GATM: variants seen among roughly 807,000 people sequenced by gnomAD.
GATM encodes glycine amidinotransferase, also known as glycine amidinotransferase, mitochondrial.
GATM carries 23 observed loss-of-function variants against 54.2 expected under a neutral mutation model. That is an observed-to-expected ratio of 0.42 (90% CI 0.31 to 0.60). The LOEUF is 0.60. GATM is among the 20% of genes least tolerant of loss of function. The pLI is 0.14. For synonymous variants in GATM, 168 were observed against 183.1 expected, an observed-to-expected ratio of 0.92 and a Z score of 0.67; for missense variants, 401 against 544.9, an observed-to-expected ratio of 0.74 and a Z score of 2.63.
At chr15:45,370,381 A>C (rs1294767775) in intron 2 of GATM, among the ~76,000 whole-genome samples, 1 of 146,454 alleles carries the variant, frequency 6.8e-6, no homozygotes, top group Non-Finnish European at 1.5e-5. Flanking sequence ...GTCTCAAAAA[A>C]AAAAAAAGAA....
chr15:45,374,778 A>C (rs1237581344), intron 2 of GATM, among the ~76,000 whole-genome samples: 2 of 152,216 alleles, frequency 1.3e-5, no homozygotes, highest in Non-Finnish European at 2.9e-5. Flanking sequence ...TTTTATATTA[A>C]TACCTCTAGA....
intron 8 of GATM, chr15:45,363,507 C>T: frequency 3.8e-6 from 1 of 261,144 alleles, no homozygotes. Flanking sequence ...TGCATCCGTA[C>T]CCTTTTGAGT....
intron 7 of GATM, chr15:45,364,534 CAAA>C (rs201283726): frequency 1.5e-3 from 488 of 324,668 alleles, no homozygotes; most frequent in Middle Eastern, 3.7e-3. Context: ...GACACTGTCT[CAAA>C]AAAAAAAAAA....
intron 7 of GATM, chr15:45,364,281 G>A: frequency 4.5e-6 from 2 of 446,638 alleles, no homozygotes; most frequent in Non-Finnish European, 4.1e-6. Flanking sequence ...GGGAGGCTGA[G>A]GCAGGAGGAT....
At chr15:45,395,904 C>T (rs941238876) in intron 3 of GATM, among the ~76,000 whole-genome samples, 18 of 152,134 alleles carry the variant, frequency 1.2e-4, no homozygotes, top group Non-Finnish European at 2.5e-4. Flanking sequence ...TTTACCAATC[C>T]AGCCTTGCTG....
At chr15:45,397,283 C>T (rs531268005) in intron 2 of GATM, 6 of 151,994 alleles carry the variant, frequency 3.9e-5, no homozygotes, top group Non-Finnish European at 8.8e-5. Context: ...TTTTGTTCTA[C>T]CAAGGCAATT....
At chr15:45,382,710 T>C (rs1027036832), upstream of GATM, among the ~76,000 whole-genome samples, 2 of 152,134 alleles carry the variant, frequency 1.3e-5, no homozygotes, top group Non-Finnish European at 2.9e-5. Context: ...GGAGAATTGC[T>C]TGAACCCAGG....
At chr15:45,367,575 T>A (rs1220651915) in intron 4 of GATM, among the ~76,000 whole-genome samples, 1 of 152,242 alleles carries the variant, frequency 6.6e-6, no homozygotes, top group African/African-American at 2.4e-5. Flanking sequence ...ATTTTGATTT[T>A]TAAATTTTTT....
Position 45,368,351 on chromosome 15 carries a change from C to T in GATM, c.485-91G>A. ...ATAGGGCCAGGCACAGTGGCTCATG[C>T]CTGTAATCCCACCACTTTGGGAGGC... On this transcript the variant is annotated intron_variant, in intron 3 of 8. Transcript: ENST00000396659. The surrounding 1 kb of genome is among the most constrained non-coding windows in gnomAD (Gnocchi z 5.1). 9.1e-7 allele frequency: 1 copy of T among 1,094,874 alleles called. No individual in the cohort carries two copies. Among genetic ancestry groups the T allele is most frequent in the Non-Finnish European group, 1.4e-6 (1 of 731,648 alleles). 67.8% of individuals were successfully genotyped at this position (1,094,874 alleles called of 1,614,324 possible).
chr15:45,366,231 T>A, intron 5 of GATM, 21 bp from the exon 6 acceptor site: 1 of 1,613,754 alleles, frequency 6.2e-7, no homozygotes, highest in Non-Finnish European at 8.5e-7. Flanking sequence ...AAGAAAGACA[T>A]ACGATCGATA....
intron 3 of GATM, among the ~76,000 whole-genome samples, chr15:45,386,942 T>G (rs1352838826): frequency 6.6e-6 from 1 of 152,160 alleles, no homozygotes; most frequent in East Asian, 1.9e-4. Context: ...CAAAGTAGGG[T>G]CCAATATTGA....
chr15:45,379,026 G>A (rs1413677689), upstream of GATM: 1 of 152,098 alleles, frequency 6.6e-6, no homozygotes, highest in Non-Finnish European at 1.5e-5. Flanking sequence ...AACTAAGTCT[G>A]GAAATTGGGC....
At chr15:45,376,181 G>A (rs1889629036) in intron 2 of GATM, among the ~76,000 whole-genome samples, 1 of 152,176 alleles carries the variant, frequency 6.6e-6, no homozygotes, top group Non-Finnish European at 1.5e-5. Context: ...AAGTCCTGTG[G>A]CAATATCCCG....
At position 45,378,478 on chromosome 15, in the gene GATM, G is replaced by T; in HGVS notation, c.-25C>A. ...TCGCCCTGGCCCGGCTGGTCCACGCGCGGAATGTTCCTGGCCTCTGGGCCG... is the reference window on the plus strand; with the variant it reads ...TCGCCCTGGCCCGGCTGGTCCACGCTCGGAATGTTCCTGGCCTCTGGGCCG... On this transcript the variant is annotated 5_prime_UTR_variant, in exon 1 of 9. Coordinates refer to ENST00000396659, the MANE Select transcript of GATM (RefSeq NM_001482.3). 1 of 1,421,134 alleles carries T rather than the reference G, an allele frequency of 7.0e-7. No individual in the cohort carries two copies. The highest frequency in any genetic ancestry group is 9.1e-7 in the Non-Finnish European group (1 of 1,093,146). 88.0% of individuals were successfully genotyped at this position (1,421,134 alleles called of 1,614,324 possible). A position where few individuals can be genotyped will look rare whatever the true frequency, so the allele number is the denominator to read the frequency against.
chr15:45,385,985 T>G (rs1889799580), intron 3 of GATM, among the ~76,000 whole-genome samples: 1 of 152,268 alleles, frequency 6.6e-6, no homozygotes, highest in Non-Finnish European at 1.5e-5. Flanking sequence ...CTTTGACTAC[T>G]TCTTCACACT....
At chr15:45,401,546 A>G (rs1465553012) in intron 1 of GATM, among the ~76,000 whole-genome samples, 2 of 142,726 alleles carry the variant, frequency 1.4e-5, no homozygotes, top group Admixed American at 1.4e-4. Context: ...TCCCTGTGCG[A>G]AAGGGAAAGG....
At position 45,378,502 on chromosome 15, in the gene GATM, C is replaced by T. The variant is rs1889685216; in HGVS notation, c.-49G>A. The stretch of plus-strand genomic sequence containing the variant: ...CGCGGAATGTTCCTGGCCTCTGGGC[C>T]GCGTCGGTCCAAGCCTTCCCGAGAG... On this transcript the variant is annotated 5_prime_UTR_variant, in exon 1 of 9. Transcript: ENST00000396659. 9 of 1,340,906 alleles carry T rather than the reference C, an allele frequency of 6.7e-6. No homozygotes were observed. The highest frequency in any genetic ancestry group is 1.8e-5 in the South Asian group (1 of 56,272). The allele number at this position is 1,340,906 out of a possible 1,614,324, so 83.1% of individuals were successfully genotyped here.
intron 8 of GATM, chr15:45,363,604 C>T (rs1889400765): frequency 2.0e-6 from 1 of 504,976 alleles, no homozygotes; most frequent in South Asian, 2.6e-5. Context: ...TATCTGCTCA[C>T]CTGCAAAGGG....
intron 3 of GATM, among the ~76,000 whole-genome samples, chr15:45,386,009 G>A (rs532994630): frequency 1.6e-4 from 24 of 152,098 alleles, no homozygotes; most frequent in African/African-American, 5.8e-4. Flanking sequence ...CTTTCCTGTG[G>A]AGATCCTTAT....
Sources: gnomAD v4.1 joint callset for allele counts (sites outside exome capture counted in the v4.1 genomes callset) on GRCh38, gnomAD v4.1.1 for gene constraint, Gnocchi (gnomAD v3.1) non-coding constraint, MANE v1.5 for transcripts, NCBI Gene and HGNC (gene_info 2026-07-23, HGNC 2026-07-21) for gene names.